The following JAZF1 variants were observed in gnomAD, a reference collection of about 807,000 sequenced individuals.
The protein encoded by JAZF1 is juxtaposed with another zinc finger protein 1.
In JAZF1, 8 loss-of-function variants were observed where a neutral mutation model predicts 26.4. The observed-to-expected ratio is 0.30, with a 90% CI of 0.18 to 0.55. The LOEUF (loss-of-function observed/expected upper bound fraction) is 0.55. Among genes scored for constraint, JAZF1 ranks in the 20% least tolerant of loss-of-function variants. The probability of loss-of-function intolerance (pLI) is 0.94; values close to 1 mark genes in which losing one functional copy is unlikely to be tolerated. For synonymous variants in JAZF1, 126 were observed against 122.3 expected (o/e 1.03, Z -0.20); for missense variants, 199 against 322.0 (o/e 0.62, Z 2.92).
At chr7:27,954,690 T>C (rs1201204600) in intron 2 of JAZF1, among the ~76,000 whole-genome samples, 2 of 152,222 alleles carry the variant, frequency 1.3e-5, no homozygotes, top group Non-Finnish European at 2.9e-5. Context: ...CAAGGCAGCA[T>C]GTCACTCCAA....
chr7:27,957,548 C>A (rs142802008), intron 2 of JAZF1, among the ~76,000 whole-genome samples: 1 of 152,162 alleles, frequency 6.6e-6, no homozygotes, highest in Non-Finnish European at 1.5e-5. Context: ...TACATTCAAA[C>A]GGAGCACTTT....
intron 1 of JAZF1, among the ~76,000 whole-genome samples, chr7:28,123,727 G>A (rs2127938925): frequency 1.3e-5 from 2 of 152,276 alleles, no homozygotes; most frequent in Non-Finnish European, 2.9e-5. Flanking sequence ...CACATCTATA[G>A]CAATGATGGA....
At chr7:28,018,786 C>T (rs888156090) in intron 1 of JAZF1, among the ~76,000 whole-genome samples, 4 of 152,118 alleles carry the variant, frequency 2.6e-5, no homozygotes, top group African/African-American at 9.7e-5. Flanking sequence ...TTTTGAAAGA[C>T]AGGAAGAAGA....
intron 1 of JAZF1, among the ~76,000 whole-genome samples, chr7:28,061,438 C>T (rs1783795737): frequency 6.6e-6 from 1 of 152,208 alleles, no homozygotes; most frequent in South Asian, 2.1e-4. Flanking sequence ...CAATGAATGG[C>T]AGACACACTC....
intron 1 of JAZF1, among the ~76,000 whole-genome samples, chr7:28,089,132 C>T (rs10156144): frequency 0.85 from 130,138 of 152,288 alleles, 56,196 homozygotes; most frequent in East Asian, 1. Context: ...AATAATAGTA[C>T]TGAATATTTA....
chr7:27,997,135 G>C (rs1405491680), intron 1 of JAZF1, among the ~76,000 whole-genome samples: 1 of 152,120 alleles, frequency 6.6e-6, no homozygotes, highest in African/African-American at 2.4e-5. Context: ...ACCTGCAGTG[G>C]GGGAGACCCA....
chr7:27,929,446 T>C (rs1016022707), intron 2 of JAZF1, among the ~76,000 whole-genome samples: 2 of 152,222 alleles, frequency 1.3e-5, no homozygotes, highest in Admixed American at 1.3e-4. Flanking sequence ...GAATCTTCAA[T>C]GAAAACCTTC....
intron 2 of JAZF1, among the ~76,000 whole-genome samples, chr7:27,956,343 A>G (rs908684730): frequency 2.6e-5 from 4 of 152,118 alleles, no homozygotes; most frequent in Non-Finnish European, 5.9e-5. Context: ...TACTTCCCTC[A>G]CTGATTCTGC....
At chr7:27,935,904 G>C (rs1784757434) in intron 2 of JAZF1, among the ~76,000 whole-genome samples, 1 of 152,172 alleles carries the variant, frequency 6.6e-6, no homozygotes, top group South Asian at 2.1e-4. Flanking sequence ...CAGGAGCTGG[G>C]TCGCCCAAAG....
At chr7:28,027,902 T>A (rs750502983) in intron 1 of JAZF1, among the ~76,000 whole-genome samples, 2 of 152,214 alleles carry the variant, frequency 1.3e-5, no homozygotes, top group Non-Finnish European at 2.9e-5. Flanking sequence ...AACAGGGCTA[T>A]CAGCTTCACT....
At chr7:27,913,501 G>T in intron 2 of JAZF1, 1 of 345,984 alleles carries the variant, frequency 2.9e-6, no homozygotes, top group South Asian at 2.2e-5. Flanking sequence ...CGTGAACAGA[G>T]CTTGGTGGGA....
At chr7:27,870,149 A>G (rs1282431301) in intron 3 of JAZF1, among the ~76,000 whole-genome samples, 3 of 144,832 alleles carry the variant, frequency 2.1e-5, no homozygotes, top group Non-Finnish European at 3.0e-5. Flanking sequence ...CTGGTCTCGA[A>G]CTCCTGACCT....
intron 1 of JAZF1, among the ~76,000 whole-genome samples, chr7:28,047,148 ATATAT>A (rs1299549382): frequency 6.6e-6 from 1 of 152,120 alleles, no homozygotes; most frequent in East Asian, 1.9e-4. Flanking sequence ...ACTCAACACT[ATATAT>A]TAAATATCCC....
At chr7:27,937,025 A>G (rs974635733) in intron 2 of JAZF1, among the ~76,000 whole-genome samples, 32 of 152,274 alleles carry the variant, frequency 2.1e-4, no homozygotes, top group African/African-American at 7.5e-4. Context: ...GTTTCTCTAA[A>G]TAAGCATTGT....
chr7:28,117,977 T>C (rs975953246), intron 1 of JAZF1: 9 of 152,080 alleles, frequency 5.9e-5, no homozygotes, highest in African/African-American at 2.2e-4. Context: ...TTATTTTATA[T>C]GAACACCAGT....
chr7:28,071,369 A>G (rs1783973885), intron 1 of JAZF1, among the ~76,000 whole-genome samples: 1 of 152,250 alleles, frequency 6.6e-6, no homozygotes, highest in Non-Finnish European at 1.5e-5. Flanking sequence ...CTCCAACACC[A>G]GCAGGCGTCT....
intron 2 of JAZF1, among the ~76,000 whole-genome samples, chr7:27,980,983 A>G (rs967713707): frequency 1.3e-5 from 2 of 152,174 alleles, no homozygotes; most frequent in Non-Finnish European, 2.9e-5. Flanking sequence ...TCCTACAAAT[A>G]CATATCCAAA....
chr7:27,890,720 C>G (rs1411605592), intron 3 of JAZF1, among the ~76,000 whole-genome samples: 15 of 150,656 alleles, frequency 1.0e-4, no homozygotes, highest in Admixed American at 7.9e-4. Flanking sequence ...TAAGCACACA[C>G]AGCAAACACT....
chr7:28,111,214 TTAAA>T (rs1784656994), intron 1 of JAZF1, among the ~76,000 whole-genome samples: 1 of 152,250 alleles, frequency 6.6e-6, no homozygotes, highest in Non-Finnish European at 1.5e-5. Flanking sequence ...TCCAGTTAAG[TTAAA>T]TAAATACTTA....
Sources: gnomAD v4.1 joint callset for allele counts (sites outside exome capture counted in the v4.1 genomes callset) on GRCh38, gnomAD v4.1.1 for gene constraint, MANE v1.5 for transcripts, NCBI Gene and HGNC (gene_info 2026-07-23, HGNC 2026-07-21) for gene names.